The following PDE1C variants were observed in gnomAD, a reference collection of about 807,000 sequenced individuals.
PDE1C encodes dual specificity calcium/calmodulin-dependent 3',5'-cyclic nucleotide phosphodiesterase 1C.
In PDE1C, 62 loss-of-function variants were observed where a neutral mutation model predicts 93.1. The observed-to-expected ratio is 0.67, with a 90% CI of 0.54 to 0.82. The LOEUF is 0.82. Among genes scored for constraint, PDE1C ranks in the 40% least tolerant of loss-of-function variants. The pLI, the probability that PDE1C is intolerant of heterozygous loss-of-function variation, is 0.00. For synonymous variants in PDE1C, 325 were observed against 310.1 expected (o/e 1.05, Z -0.50); for missense variants, 742 against 884.6 (o/e 0.84, Z 2.04).
At chr7:32,143,453 T>C (rs6962885) in intron 3 of PDE1C, among the ~76,000 whole-genome samples, 14,579 of 151,924 alleles carry the variant, frequency 0.096, 1,049 homozygotes, top group East Asian at 0.2. Context: ...CAGGACGCAG[T>C]GTCACTGACC....
At chr7:32,188,050 A>G (rs1803996034) in intron 2 of PDE1C, among the ~76,000 whole-genome samples, 1 of 152,190 alleles carries the variant, frequency 6.6e-6, no homozygotes, top group South Asian at 2.1e-4. Context: ...TTAGGTATAG[A>G]TTTATTGAAT....
At chr7:31,647,507 CAAA>C in the PDE1C span, among the ~76,000 whole-genome samples, 790 of 139,762 alleles carry the variant, frequency 5.7e-3, 2 homozygotes, top group East Asian at 0.024. Flanking sequence ...ATTAAAACTA[CAAA>C]AAAAAAAAAA....
At position 32,243,638 on chromosome 7, in the gene PDE1C, C is replaced by T. The variant is rs185771416; in HGVS notation, c.86-34099G>A. 2.6e-3 allele frequency among the ~76,000 whole-genome samples: 398 copies of T among 152,264 alleles called. 4 individuals carry two copies. The highest frequency in any genetic ancestry group is 8.8e-3 in the African/African-American group (366 of 41,538). The stretch of plus-strand genomic sequence containing the variant: ...TGGTGATAGTGGGATCTGGAAGAGT[C>T]CTTCCAGTGACCAGCAGTCAGAGGT... On this transcript the variant is annotated intron_variant, in intron 1 of 18. Coordinates refer to the PDE1C transcript ENST00000396193.
chr7:32,019,774 G>C (rs1258432579), intron 2 of PDE1C, among the ~76,000 whole-genome samples: 2 of 152,088 alleles, frequency 1.3e-5, no homozygotes, highest in Non-Finnish European at 2.9e-5. Context: ...GTGACTCCCG[G>C]GTTTGTGGCA....
chr7:31,873,265 A>G, intron 6 of PDE1C, 27 bp downstream of exon 6: 1 of 1,361,156 alleles, frequency 7.3e-7, no homozygotes, highest in East Asian at 2.3e-5. Flanking sequence ...TAGTTTATTT[A>G]TTTTTTCTTT....
intron 3 of PDE1C, among the ~76,000 whole-genome samples, chr7:32,106,131 C>T (rs770326288): frequency 4.6e-5 from 7 of 152,138 alleles, no homozygotes; most frequent in Non-Finnish European, 8.8e-5. Flanking sequence ...CCTGCCTCAG[C>T]GTTCTGAGTA....
chr7:31,929,815 T>A (rs1584027986), intron 2 of PDE1C, among the ~76,000 whole-genome samples: 2 of 152,114 alleles, frequency 1.3e-5, no homozygotes, highest in African/African-American at 4.8e-5. Flanking sequence ...TAGCACTAAA[T>A]GCCCACAACA....
chr7:31,921,653 G>A (rs1208546857), intron 2 of PDE1C, among the ~76,000 whole-genome samples: 1 of 151,970 alleles, frequency 6.6e-6, no homozygotes, highest in East Asian at 1.9e-4. Flanking sequence ...GCTAATATGT[G>A]GAATAGAGAG....
chr7:31,787,607 C>G (rs1270228488), intron 16 of PDE1C: 1 of 151,554 alleles, frequency 6.6e-6, no homozygotes, highest in Non-Finnish European at 1.5e-5. Context: ...TGTGGTAGGA[C>G]TATCCCTATT....
intron 1 of PDE1C, among the ~76,000 whole-genome samples, chr7:32,278,183 A>G (rs1199048589): frequency 6.6e-6 from 1 of 152,110 alleles, no homozygotes; most frequent in Non-Finnish European, 1.5e-5. Context: ...ATGTGATTAC[A>G]GAAGTAATAT....
chr7:31,706,891 AAAGCAATTGGTT>A, the PDE1C span, among the ~76,000 whole-genome samples: 294 of 152,336 alleles, frequency 1.9e-3, 2 homozygotes, highest in Middle Eastern at 6.8e-3. Flanking sequence ...CTGTGAGTGC[AAAGCAATTGGTT>A]ATTTTCCATC....
intron 7 of PDE1C, among the ~76,000 whole-genome samples, chr7:31,860,977 G>A (rs974465714): frequency 6.6e-6 from 1 of 152,020 alleles, no homozygotes; most frequent in African/African-American, 2.4e-5. Context: ...CTATTAAGTT[G>A]TCTATAGTCA....
intron 1 of PDE1C, among the ~76,000 whole-genome samples, chr7:32,326,301 A>G (rs1226963132): frequency 6.6e-6 from 1 of 152,244 alleles, no homozygotes; most frequent in East Asian, 1.9e-4. Flanking sequence ...AGCTAGAGGC[A>G]TAAATGTGGG....
chr7:32,015,156 C>G (rs1014298835), intron 2 of PDE1C, among the ~76,000 whole-genome samples: 10 of 152,160 alleles, frequency 6.6e-5, no homozygotes, highest in African/African-American at 2.4e-4. Flanking sequence ...TTTCCTGAAG[C>G]CTCTCCAGTC....
At chr7:32,210,521 C>T (rs1805944129) in intron 1 of PDE1C, among the ~76,000 whole-genome samples, 1 of 152,162 alleles carries the variant, frequency 6.6e-6, no homozygotes, top group Non-Finnish European at 1.5e-5. Context: ...CTTATTATAT[C>T]GTTTTACAAA....
intron 2 of PDE1C, among the ~76,000 whole-genome samples, chr7:32,191,637 T>C (rs1378352121): frequency 6.6e-6 from 1 of 152,226 alleles, no homozygotes; most frequent in Non-Finnish European, 1.5e-5. Flanking sequence ...TACATCTGGG[T>C]TGCTTCCAAT....
At chr7:31,886,851 T>TTCAGAATAGATCTATTCAGATCTA (rs1797978288) in intron 2 of PDE1C, among the ~76,000 whole-genome samples, 1 of 10,640 alleles carries the variant, frequency 9.4e-5, no homozygotes, top group Non-Finnish European at 3.0e-4. Flanking sequence ...TTTCGGATCT[T>TTCAGAATAGATCTATTCAGATCTA]TTCAGAATAG....
intron 2 of PDE1C, among the ~76,000 whole-genome samples, chr7:31,984,962 T>C (rs1268123372): frequency 6.6e-6 from 1 of 152,164 alleles, no homozygotes; most frequent in Non-Finnish European, 1.5e-5. Flanking sequence ...TGAAACCTCC[T>C]ACCCTAGGTC....
At chr7:32,425,564 G>C (rs1040285145) in intron 1 of PDE1C, among the ~76,000 whole-genome samples, 3 of 152,128 alleles carry the variant, frequency 2.0e-5, no homozygotes, top group Non-Finnish European at 4.4e-5. Flanking sequence ...GTCAAATCCA[G>C]AACGAATCTA....
Sources: gnomAD v4.1 joint callset for allele counts (sites outside exome capture counted in the v4.1 genomes callset) on GRCh38, gnomAD v4.1.1 for gene constraint, MANE v1.5 for transcripts, NCBI Gene and HGNC (gene_info 2026-07-23, HGNC 2026-07-21) for gene names.